The following BRD3 variants were observed in gnomAD, a reference collection of about 807,000 sequenced individuals.
BRD3 encodes bromodomain-containing protein 3.
In BRD3, 17 loss-of-function variants were observed where a neutral mutation model predicts 66.8. The observed-to-expected ratio is 0.25, with a 90% confidence interval of 0.17 to 0.38. BRD3 has a LOEUF of 0.38. Among genes scored for constraint, BRD3 ranks in the 10% least tolerant of loss-of-function variants. BRD3 has a pLI of 1.00. For missense variants in BRD3, 713 were observed against 956.1 expected, an observed-to-expected ratio of 0.75 and a Z score of 3.35; for synonymous variants, 421 against 393.2, an observed-to-expected ratio of 1.07 and a Z score of -0.84.
At chr9:134,042,338 C>T (rs1047598942) in intron 7 of BRD3, among the ~76,000 whole-genome samples, 4 of 152,194 alleles carry the variant, frequency 2.6e-5, no homozygotes. Flanking sequence ...CCTCCACAGC[C>T]ACAGGAGTCC....
chr9:134,044,751 CAA>C (rs1245008147), intron 7 of BRD3, among the ~76,000 whole-genome samples: 1 of 152,202 alleles, frequency 6.6e-6, no homozygotes, highest in Non-Finnish European at 1.5e-5. Flanking sequence ...TGCATGTTCA[CAA>C]AGTCCCTGCG....
rs1843515687 is a variant in BRD3 at position 134,031,812 on chromosome 9, A to G, written c.*1778T>C. On this transcript the variant is annotated 3_prime_UTR_variant, in exon 12 of 12. Transcript: ENST00000303407. ...TGGCAGAAAGCACTGGCCACCATACAGGACAGACCACACCACAGCTCCATA... is the reference window on the plus strand; with the variant it reads ...TGGCAGAAAGCACTGGCCACCATACGGGACAGACCACACCACAGCTCCATA... The G allele has an allele frequency of 9.1e-6, 2 of 220,378 alleles. No homozygotes were observed. Among genetic ancestry groups the G allele is most frequent in the Non-Finnish European group, 1.8e-5 (2 of 109,808 alleles). 13.7% of individuals were successfully genotyped at this position (220,378 alleles called of 1,614,324 possible). A position where few individuals can be genotyped will look rare whatever the true frequency, so the allele number is the denominator to read the frequency against.
chr9:134,036,960 A>G (rs1431612920), intron 9 of BRD3, among the ~76,000 whole-genome samples: 1 of 151,956 alleles, frequency 6.6e-6, no homozygotes, highest in Admixed American at 6.6e-5. Flanking sequence ...GCAGTGAGCC[A>G]AGATCTTGTC....
At chr9:134,068,094 G>T (rs1830711848), upstream of BRD3, 1 of 143,658 alleles carries the variant, frequency 7.0e-6, no homozygotes, top group Non-Finnish European at 1.5e-5. Flanking sequence ...GTAGTCCGCG[G>T]CCGGGCCCGC....
intron 5 of BRD3, among the ~76,000 whole-genome samples, chr9:134,049,806 G>C (rs969899016): frequency 6.6e-6 from 1 of 152,228 alleles, no homozygotes; most frequent in African/African-American, 2.4e-5. Context: ...GCCTGGCACG[G>C]GCCCTGCCCA....
At position 134,052,394 on chromosome 9, in the gene BRD3, T is replaced by G. The variant is rs1222188451; in HGVS notation, c.263A>C (p.Lys88Thr). The change falls in exon 3 of 12, where the codon AAG (lysine) becomes ACG (threonine). Residue 88 changes from lysine (K) to threonine (T), a missense_variant. This residue lies in a region of BRD3 where 85 missense variants were observed against 152.4 expected (regional missense o/e 0.56). Transcript: ENST00000303407. ...KNPMDMGTIKKRLENNYYWSA... is the reference protein window; with the variant it reads ...KNPMDMGTIKTRLENNYYWSA... ...CCAATAATAATTATTTTCTAGTCTC[T>G]TCTTAATAGTCCCCATATCCATTGG... 6.2e-7 allele frequency: 1 copy of G among 1,612,658 alleles called. No homozygotes were observed. Among genetic ancestry groups the G allele is most frequent in the Admixed American group, 1.7e-5 (1 of 60,028 alleles).
At chr9:134,052,181 C>T (rs1012031948) in intron 3 of BRD3, 125 bp downstream of exon 3, 80 of 1,261,520 alleles carry the variant, frequency 6.3e-5, no homozygotes, top group Admixed American at 2.0e-4. Context: ...GTGTGAGCCA[C>T]GGCACCCAGC....
At chr9:134,062,169 C>A (rs10993906) in intron 1 of BRD3, among the ~76,000 whole-genome samples, 53,788 of 152,130 alleles carry the variant, frequency 0.35, 10,020 homozygotes, top group Middle Eastern at 0.53. Context: ...CCCACCCAAG[C>A]AGGCACGGCC....
rs761289073 is a variant in BRD3, at chr9:134,048,167, G to A, written c.1002C>T (p.Phe334=). ...SKKHAAYAWP[F]YKPVDAEALE... ...GGGCCTCGGCATCCACTGGCTTGTA[G>A]AAGGGCCAGGCGTAGGCCGCGTGCT... Residue 334 remains phenylalanine (F), a synonymous_variant, in exon 6 of 12, where the codon TTC becomes TTT. Transcript: ENST00000303407. 3.1e-6 allele frequency: 5 copies of A among 1,611,804 alleles called. No homozygotes were observed. Among genetic ancestry groups the A allele is most frequent in the African/African-American group, 1.3e-5 (1 of 75,064 alleles).
rs1843503058 is a variant in BRD3, at chr9:134,030,956, A to C, written c.*2634T>G. On this transcript the variant is annotated 3_prime_UTR_variant, in exon 12 of 12. Transcript: ENST00000303407. ...TCTCAGCAGTGGGACAATCTAATTG[A>C]ATCACCGCAGCCTTCTAATACAGAA... 1 of 231,504 alleles carries C rather than the reference A, an allele frequency of 4.3e-6. No homozygotes were observed. Among genetic ancestry groups the C allele is most frequent in the Non-Finnish European group, 8.5e-6 (1 of 116,980 alleles). The allele number at this position is 231,504 out of a possible 1,614,324, so 14.3% of individuals were successfully genotyped here.
At chr9:134,049,884 C>G (rs1005495222) in intron 5 of BRD3, among the ~76,000 whole-genome samples, 6 of 152,220 alleles carry the variant, frequency 3.9e-5, no homozygotes, top group Non-Finnish European at 5.9e-5. Flanking sequence ...CTGCCAAGAC[C>G]AACAGGGCCC....
Position 134,033,321 on chromosome 9 carries a change from G to C in BRD3, c.*269C>G, listed in dbSNP as rs1253851218. On this transcript the variant is annotated 3_prime_UTR_variant, in exon 12 of 12. Coordinates refer to ENST00000303407, the MANE Select transcript of BRD3 (RefSeq NM_007371.4). The surrounding 1 kb of genome is among the most constrained non-coding windows in gnomAD (Gnocchi z 5.1). ...CTCACACGGTTTTCTGGGGTCATCGGGTTAGCATTTGAAGTTGTCATCTCC... is the reference window on the plus strand; with the variant it reads ...CTCACACGGTTTTCTGGGGTCATCGCGTTAGCATTTGAAGTTGTCATCTCC... 4.5e-6 allele frequency: 2 copies of C among 443,114 alleles called. No homozygotes were observed. The highest frequency in any genetic ancestry group is 1.1e-4 in the South Asian group (2 of 17,436). The allele number at this position is 443,114 out of a possible 1,614,324, so 27.4% of individuals were successfully genotyped here.
At chr9:134,040,304 C>G (rs746609965) in intron 8 of BRD3, 35 bp from the exon 9 acceptor site, 8 of 1,572,060 alleles carry the variant, frequency 5.1e-6, no homozygotes, top group Non-Finnish European at 6.9e-6. Flanking sequence ...AGGTGCTGGG[C>G]ACGGCCCACA....
chr9:134,053,560 C>A lies in BRD3; in HGVS notation c.-83G>T. 6.9e-7 allele frequency: 1 copy of A among 1,451,888 alleles called. No homozygotes were observed. The highest frequency in any genetic ancestry group is 2.5e-5 in the Admixed American group (1 of 39,592). The allele number at this position is 1,451,888 out of a possible 1,614,324, so 89.9% of individuals were successfully genotyped here. ...TTCTACGCTCCCTGAGAAAGCGCGA[C>A]GTCCCATTTCCGGGCCCAACCAGGC... On this transcript the variant is annotated 5_prime_UTR_variant, in exon 2 of 12. Coordinates refer to ENST00000303407, the MANE Select transcript of BRD3 (RefSeq NM_007371.4).
chr9:134,062,521 G>A (rs1425077092), intron 1 of BRD3, among the ~76,000 whole-genome samples: 2 of 152,166 alleles, frequency 1.3e-5, no homozygotes, highest in South Asian at 2.1e-4. Context: ...ACGGCCCTGG[G>A]TGAGCGGCCT....
chr9:134,067,413 G>C (rs1830685851), intron 1 of BRD3, among the ~76,000 whole-genome samples: 3 of 150,614 alleles, frequency 2.0e-5, no homozygotes, highest in South Asian at 4.1e-4. Flanking sequence ...GCAACGGCTC[G>C]GGAGCGAGGC....
chr9:134,039,918 C>A, intron 9 of BRD3, 116 bp downstream of exon 9: 1 of 1,468,832 alleles, frequency 6.8e-7, no homozygotes, highest in Non-Finnish European at 8.9e-7. Context: ...GCCCCCATCA[C>A]CCTGGTTTCC....
chr9:134,045,310 T>C lies in BRD3; in HGVS notation c.1198A>G (p.Met400Val), dbSNP rs1180435070. The C allele has an allele frequency of 6.2e-7, 1 of 1,613,500 alleles. No homozygotes were observed. The highest frequency in any genetic ancestry group is 8.5e-7 in the Non-Finnish European group (1 of 1,180,010). Residue 400 changes from methionine (M) to valine (V), a missense_variant, in exon 7 of 12, where the codon ATG becomes GTG. Physicochemically the swap from Met to Val is conservative, Grantham distance 21. Around this residue, in one of 5 missense-constraint regions of BRD3, gnomAD observed 418 missense variants for 609.3 expected, o/e 0.69. Coordinates refer to ENST00000303407, the MANE Select transcript of BRD3 (RefSeq NM_007371.4). This position sits in a 1 kb window ranked among gnomAD's most constrained non-coding sequence, Gnocchi z 4.8. ...CGGGTTACCTGGAGCTTCCGGGCCA[T>C]GGCCACAACCTCGTGGTCTGGGGGA... is the stretch of plus-strand genomic sequence containing the variant. ...YNPPDHEVVA[M>V]ARKLQDVFEM...
intron 4 of BRD3, among the ~76,000 whole-genome samples, chr9:134,050,831 C>T (rs778672165): frequency 1.3e-5 from 2 of 152,070 alleles, no homozygotes; most frequent in Non-Finnish European, 2.9e-5. Context: ...CCATAGGAGG[C>T]GGAACGAGGA....
Sources: gnomAD v4.1 joint callset for allele counts (sites outside exome capture counted in the v4.1 genomes callset) on GRCh38, gnomAD v4.1.1 for gene constraint, gnomAD v4.1.1 regional missense constraint, Gnocchi (gnomAD v3.1) non-coding constraint, MANE v1.5 for transcripts, NCBI Gene and HGNC (gene_info 2026-07-23, HGNC 2026-07-21) for gene names.